The following EPB41L2 variants were observed in gnomAD, a reference collection of about 807,000 sequenced individuals.
The protein encoded by EPB41L2 is band 4.1-like protein 2.
In EPB41L2, 43 loss-of-function variants were observed where a neutral mutation model predicts 113.0. The ratio of observed to expected loss-of-function variants is 0.38; its 90% CI spans 0.30 to 0.49. The LOEUF (loss-of-function observed/expected upper bound fraction) is 0.49, where lower values mean the gene tolerates loss of function less well. Ranked by LOEUF, EPB41L2 falls within the 20% of genes least tolerant of loss-of-function variation. EPB41L2 has a pLI of 0.95. For missense variants in EPB41L2, 1,147 were observed against 1,223.4 expected, an observed-to-expected ratio of 0.94 and a Z score of 0.93; for synonymous variants, 442 against 436.7, an observed-to-expected ratio of 1.01 and a Z score of -0.15.
chr6:131,012,821 A>G (rs1449253833), intron 1 of EPB41L2, among the ~76,000 whole-genome samples: 5 of 152,206 alleles, frequency 3.3e-5, no homozygotes, highest in Admixed American at 3.3e-4. Flanking sequence ...TGCAACAAAG[A>G]AAGAGTTTAG....
intron 9 of EPB41L2, 74 bp downstream of exon 9, chr6:130,894,893 T>C: frequency 7.1e-7 from 1 of 1,401,310 alleles, no homozygotes; most frequent in Non-Finnish European, 9.5e-7. Flanking sequence ...TTAGAATTAA[T>C]AGAAAAGAAT....
intron 1 of EPB41L2, among the ~76,000 whole-genome samples, chr6:131,035,169 T>G (rs1447155816): frequency 6.6e-6 from 1 of 152,228 alleles, no homozygotes; most frequent in East Asian, 1.9e-4. Flanking sequence ...TTGTTAATAC[T>G]CTTGTTGTGA....
intron 10 of EPB41L2, 57 bp downstream of exon 10, chr6:130,894,287 T>C: frequency 4.3e-6 from 6 of 1,401,260 alleles, no homozygotes; most frequent in Non-Finnish European, 6.1e-6. Context: ...CCTGAGTCAG[T>C]GGAATTACAG....
chr6:130,874,668 T>C (rs1215513751), intron 14 of EPB41L2, among the ~76,000 whole-genome samples: 1 of 152,178 alleles, frequency 6.6e-6, no homozygotes, highest in Non-Finnish European at 1.5e-5. Flanking sequence ...CCTGCATGTA[T>C]TGGAGAGGAA....
intron 3 of EPB41L2, among the ~76,000 whole-genome samples, chr6:130,941,364 TTAGA>T (rs1229625191): frequency 6.6e-6 from 1 of 152,198 alleles, no homozygotes; most frequent in East Asian, 1.9e-4. Flanking sequence ...ACTATAACTG[TTAGA>T]TAATAAAGAG....
chr6:131,022,856 C>T (rs954248017), intron 1 of EPB41L2, among the ~76,000 whole-genome samples: 16 of 152,104 alleles, frequency 1.1e-4, no homozygotes, highest in Non-Finnish European at 2.4e-4. Flanking sequence ...TTGGAGACAT[C>T]GTAGATATTA....
chr6:130,972,689 C>G (rs991035013), intron 1 of EPB41L2, among the ~76,000 whole-genome samples: 4 of 152,076 alleles, frequency 2.6e-5, no homozygotes, highest in Non-Finnish European at 5.9e-5. Flanking sequence ...TGTTCACATT[C>G]ACCTACAGCA....
At position 130,869,966 on chromosome 6, in the gene EPB41L2, G is replaced by A. The variant is rs997143821; in HGVS notation, c.2204C>T (p.Thr735Ile). 3.7e-6 allele frequency: 6 copies of A among 1,613,664 alleles called. No individual in the cohort carries two copies. Among genetic ancestry groups the A allele is most frequent in the Admixed American group, 1.7e-5 (1 of 60,022 alleles). ...KVEPVTQKDSTSLSSESSSSS... is the reference protein window; with the variant it reads ...KVEPVTQKDSISLSSESSSSS... ...GCTGCTGCTCTCAGAAGACAGGGAGGTGGAGTCTTTTTGTGTCACAGGCTC... is the reference window on the plus strand; with the variant it reads ...GCTGCTGCTCTCAGAAGACAGGGAGATGGAGTCTTTTTGTGTCACAGGCTC... The change falls in exon 15 of 20, where the codon ACC (threonine) becomes ATC (isoleucine). Residue 735 changes from threonine to isoleucine, a missense_variant. By Grantham distance (89) the Thr-to-Ile change is moderately conservative. Transcript: ENST00000337057.
At chr6:130,986,840 T>C (rs1357449300) in intron 1 of EPB41L2, among the ~76,000 whole-genome samples, 3 of 152,158 alleles carry the variant, frequency 2.0e-5, no homozygotes, top group African/African-American at 7.2e-5. Context: ...AATAATAAAT[T>C]TTATGTTATA....
chr6:130,983,038 CA>C (rs1472976127), intron 1 of EPB41L2, among the ~76,000 whole-genome samples: 2 of 152,182 alleles, frequency 1.3e-5, no homozygotes, highest in Non-Finnish European at 2.9e-5. Flanking sequence ...GCCTCAACTA[CA>C]AAAAGCAGCC....
At chr6:130,865,421 C>T (rs1357630597) in intron 17 of EPB41L2, 115 bp downstream of exon 17, 7 of 1,026,840 alleles carry the variant, frequency 6.8e-6, no homozygotes, top group South Asian at 3.6e-5. Context: ...ATTTTGATTC[C>T]GCTGGCACTG....
intron 1 of EPB41L2, among the ~76,000 whole-genome samples, chr6:131,062,742 G>A (rs369636523): frequency 5.3e-5 from 8 of 151,870 alleles, no homozygotes; most frequent in Admixed American, 1.3e-4. Context: ...CACGGGGCCC[G>A]GACGCGTGAC....
chr6:131,007,589 A>G (rs553106018), intron 1 of EPB41L2, among the ~76,000 whole-genome samples: 1 of 152,300 alleles, frequency 6.6e-6, no homozygotes, highest in Non-Finnish European at 1.5e-5. Context: ...GAAAGTCTGG[A>G]ACCTCCTAGA....
In EPB41L2 at chr6:130,869,693, T is replaced by C. The variant is rs143967133; in HGVS notation, c.2477A>G (p.Glu826Gly). ...ENVGAQKIPG[E>G]KSVHEGALKQ... ...AAGAGCGCCTTCGTGTACACTCTTC[T>C]CTCCGGGTATCTTTTGGGCACCTAC... Residue 826 changes from glutamate to glycine, a missense_variant, in exon 15 of 20, where the codon GAG becomes GGG. Glu to Gly is a moderately conservative substitution (Grantham distance 98). Coordinates refer to ENST00000337057, the MANE Select transcript of EPB41L2 (RefSeq NM_001431.4). 1.4e-5 allele frequency: 22 copies of C among 1,614,070 alleles called. No individual in the cohort carries two copies. In the African/African-American group the frequency reaches 2.8e-4, roughly 21 times the overall value.
rs3777447 is a variant in EPB41L2 at position 130,897,239 on chromosome 6, G to A, written c.1237-2120C>T. On this transcript the variant is annotated intron_variant, in intron 8 of 19. Coordinates refer to ENST00000337057, the MANE Select transcript of EPB41L2 (RefSeq NM_001431.4). The stretch of plus-strand genomic sequence containing the variant: ...CTCTTCTAATTAAAAAAAAAAATCT[G>A]ATTTTAAGGCAATGAAAAATAAAGA... 0.02 allele frequency among the ~76,000 whole-genome samples: 3,012 copies of A among 151,564 alleles called. 192 individuals are homozygous for A. In the East Asian group the frequency reaches 0.26, roughly 13 times the overall value.
chr6:130,943,545 C>T (rs537584883), intron 3 of EPB41L2, among the ~76,000 whole-genome samples: 20 of 152,290 alleles, frequency 1.3e-4, no homozygotes, highest in African/African-American at 4.6e-4. Flanking sequence ...GCATGCCTAT[C>T]CAGCAAGAGG....
intron 18 of EPB41L2, among the ~76,000 whole-genome samples, chr6:130,859,889 C>T (rs1781483661): frequency 6.6e-6 from 1 of 152,074 alleles, no homozygotes; most frequent in South Asian, 2.1e-4. Flanking sequence ...AGAAATAAAA[C>T]ATGGAACCAG....
chr6:130,942,138 A>G (rs1329760204), intron 3 of EPB41L2, among the ~76,000 whole-genome samples: 2 of 152,234 alleles, frequency 1.3e-5, no homozygotes, highest in African/African-American at 2.4e-5. Flanking sequence ...AGTGCTATAA[A>G]TACTAATGAT....
Position 130,993,487 on chromosome 6 carries a change from A to T in EPB41L2, c.-14-36988T>A, listed in dbSNP as rs1487208402. Among the ~76,000 whole-genome samples the T allele has an allele frequency of 7.9e-5, 12 of 152,354 alleles. No homozygotes were observed. In the East Asian group the frequency reaches 2.1e-3, roughly 27 times the overall value. ...ACTGTTTTAATGAGCGCCTGGGTGC[A>T]GGTGGGCTGAGGCTTAAAATGGCGT... On this transcript the variant is annotated intron_variant, in intron 1 of 19. Coordinates refer to ENST00000337057, the MANE Select transcript of EPB41L2 (RefSeq NM_001431.4).
Sources: gnomAD v4.1 joint callset for allele counts (sites outside exome capture counted in the v4.1 genomes callset) on GRCh38, gnomAD v4.1.1 for gene constraint, MANE v1.5 for transcripts, NCBI Gene and HGNC (gene_info 2026-07-23, HGNC 2026-07-21) for gene names.